SHC4: variants seen among roughly 807,000 people sequenced by gnomAD.
SHC4 encodes the protein SHC adaptor protein 4.
SHC4 carries 41 observed loss-of-function variants against 69.4 expected under a neutral mutation model. The ratio of observed to expected loss-of-function variants is 0.59; its 90% CI spans 0.46 to 0.77. SHC4 has a LOEUF of 0.77. SHC4 is among the 30% of genes least tolerant of loss of function. The pLI, the probability that SHC4 is intolerant of heterozygous loss-of-function variation, is 0.00. For synonymous variants in SHC4, 318 were observed against 299.3 expected (o/e 1.06, Z -0.64); for missense variants, 777 against 783.8 (o/e 0.99, Z 0.10).
At chr15:48,840,171 C>T (rs1012176359) in intron 10 of SHC4, among the ~76,000 whole-genome samples, 26 of 152,224 alleles carry the variant, frequency 1.7e-4, no homozygotes, top group African/African-American at 5.8e-4. Flanking sequence ...CTACCAATCC[C>T]GTGGCACTAA....
At chr15:48,926,179 T>C (rs996535319) in intron 1 of SHC4, among the ~76,000 whole-genome samples, 6 of 152,174 alleles carry the variant, frequency 3.9e-5, no homozygotes, top group African/African-American at 1.4e-4. Context: ...GTCTTCTGTG[T>C]AGCTTTGCCA....
intron 8 of SHC4, among the ~76,000 whole-genome samples, chr15:48,851,906 A>T (rs1899221678): frequency 6.6e-6 from 1 of 152,198 alleles, no homozygotes; most frequent in South Asian, 2.1e-4. Context: ...CGAAAGAGGC[A>T]GTAGAAACGG....
intron 9 of SHC4, among the ~76,000 whole-genome samples, chr15:48,844,299 C>A (rs1238300365): frequency 6.6e-6 from 1 of 152,154 alleles, no homozygotes; most frequent in East Asian, 1.9e-4. Context: ...TTAAAAACTG[C>A]AAATCCGGTC....
At chr15:48,834,006 C>T (rs1898855846) in intron 11 of SHC4, among the ~76,000 whole-genome samples, 1 of 152,156 alleles carries the variant, frequency 6.6e-6, no homozygotes, top group African/African-American at 2.4e-5. Flanking sequence ...TCCTATTCTG[C>T]CATCTTGCTG....
Position 48,919,503 on chromosome 15 carries a change from G to A in SHC4, c.656+5376C>T, listed in dbSNP as rs990740420. 4.0e-5 allele frequency among the ~76,000 whole-genome samples: 6 copies of A among 150,964 alleles called. 1 individual carries two copies. In the South Asian group the frequency reaches 1.3e-3, roughly 32 times the overall value. On this transcript the variant is annotated intron_variant, in intron 2 of 11. Transcript: ENST00000332408. ...GGGATTTCACTCTGTTGCTCAGGCT[G>A]GTCTCAAACTCCAAGACTCAAATGA...
At chr15:48,916,949 C>T (rs1239158669) in intron 2 of SHC4, among the ~76,000 whole-genome samples, 2 of 152,166 alleles carry the variant, frequency 1.3e-5, no homozygotes, top group African/African-American at 2.4e-5. Flanking sequence ...CTCCGCCCCT[C>T]GGGGTGAATT....
intron 9 of SHC4, among the ~76,000 whole-genome samples, chr15:48,848,926 A>C (rs1207476827): frequency 6.6e-6 from 1 of 151,072 alleles, no homozygotes. Context: ...GATTTAGCCC[A>C]TTCAACATAA....
intron 2 of SHC4, among the ~76,000 whole-genome samples, chr15:48,921,331 G>GTTT (rs35765153): frequency 1.4e-5 from 2 of 140,348 alleles, no homozygotes; most frequent in Non-Finnish European, 3.1e-5. Context: ...GGAAGTTATC[G>GTTT]TTTTTTTTTT....
At chr15:48,913,935 C>T (rs887747364) in intron 2 of SHC4, among the ~76,000 whole-genome samples, 8 of 152,198 alleles carry the variant, frequency 5.3e-5, no homozygotes. Flanking sequence ...GCATCTGGGG[C>T]ACTCACAGTT....
intron 5 of SHC4, among the ~76,000 whole-genome samples, 162 bp from the exon 6 acceptor site, chr15:48,868,031 C>T (rs1484145448): frequency 6.6e-6 from 1 of 152,122 alleles, no homozygotes; most frequent in Non-Finnish European, 1.5e-5. Context: ...CAAATATACA[C>T]CATATAGTTT....
rs1899028381 is a variant in SHC4, at chr15:48,843,395, G to T, written c.1483+14C>A. The stretch of plus-strand genomic sequence containing the variant: ...GCCCTAAGAAATGAATACAGACAGT[G>T]AGTAGCTACTTACTTCCGCAGTGCC... On this transcript the variant is annotated intron_variant, in intron 10 of 11. Transcript: ENST00000332408. The T allele has an allele frequency of 8.2e-6, 13 of 1,594,452 alleles. No individual in the cohort carries two copies. Among genetic ancestry groups the T allele is most frequent in the Non-Finnish European group, 1.1e-5 (13 of 1,166,934 alleles).
chr15:48,851,484 T>C (rs1301617010), intron 8 of SHC4, among the ~76,000 whole-genome samples: 1 of 152,174 alleles, frequency 6.6e-6, no homozygotes, highest in African/African-American at 2.4e-5. Context: ...TTCTAAAGGC[T>C]ACCAGTGTCC....
At chr15:48,828,898 T>C (rs928967571) in intron 11 of SHC4, among the ~76,000 whole-genome samples, 1 of 152,232 alleles carries the variant, frequency 6.6e-6, no homozygotes, top group Non-Finnish European at 1.5e-5. Context: ...AGGCGTTCCT[T>C]ATATATTTTG....
Position 48,962,660 on chromosome 15 carries a change from A to G in SHC4, c.356T>C (p.Leu119Pro). The G allele has an allele frequency of 6.2e-7, 1 of 1,614,128 alleles. No homozygotes were observed. The highest frequency in any genetic ancestry group is 8.5e-7 in the Non-Finnish European group (1 of 1,180,042). Residue 119 changes from leucine (L) to proline (P), a missense_variant, in exon 1 of 12, where the codon CTC (leucine) becomes CCC (proline). Transcript: ENST00000332408. ...GGAACCTGGGTCCCGGCTTTCCTGG[A>G]GCTTCAGCCGAGGCACCTCTTTGGT... ...LGTKEVPRLK[L>P]QESRDPGSSG...
intron 1 of SHC4, among the ~76,000 whole-genome samples, chr15:48,939,283 C>G (rs1179186130): frequency 6.6e-6 from 1 of 152,094 alleles, no homozygotes; most frequent in Non-Finnish European, 1.5e-5. Flanking sequence ...AGACCAGCCT[C>G]AGGGAATCAG....
Position 48,825,893 on chromosome 15 carries a change from A to G in SHC4, c.*78T>C. On this transcript the variant is annotated 3_prime_UTR_variant, in exon 12 of 12. Transcript: ENST00000332408. The stretch of plus-strand genomic sequence containing the variant: ...AGTTTGTGCTCTATTTTATCTACAA[A>G]CAAAGTTTAAATTATCTTTGTGTCC... 1 of 1,519,368 alleles carries G rather than the reference A, an allele frequency of 6.6e-7. No homozygotes were observed. Among genetic ancestry groups the G allele is most frequent in the Non-Finnish European group, 8.9e-7 (1 of 1,128,608 alleles). 94.1% of individuals were successfully genotyped at this position (1,519,368 alleles called of 1,614,324 possible). A position where few individuals can be genotyped will look rare whatever the true frequency, so the allele number is the denominator to read the frequency against.
intron 1 of SHC4, among the ~76,000 whole-genome samples, chr15:48,942,780 T>C (rs1019503396): frequency 6.6e-6 from 1 of 152,154 alleles, no homozygotes; most frequent in Non-Finnish European, 1.5e-5. Context: ...TAATAAGAAG[T>C]GTAGTTCAGG....
chr15:48,878,206 G>T, intron 4 of SHC4: 1 of 1,587,362 alleles, frequency 6.3e-7, no homozygotes, highest in Non-Finnish European at 8.6e-7. Flanking sequence ...TGTCCGAGCT[G>T]TATGAAGAGA....
intron 1 of SHC4, among the ~76,000 whole-genome samples, chr15:48,960,256 G>T (rs1236345136): frequency 6.6e-6 from 1 of 152,186 alleles, no homozygotes; most frequent in African/African-American, 2.4e-5. Context: ...ATTTAAAATT[G>T]TACAGGTGTG....
Sources: allele counts gnomAD v4.1 joint callset (sites outside exome capture counted in the v4.1 genomes callset), GRCh38; gene constraint gnomAD v4.1.1; transcripts MANE v1.5; gene names NCBI Gene and HGNC (gene_info 2026-07-23, HGNC 2026-07-21).